The following CNKSR2 variants were observed in gnomAD, a reference collection of about 807,000 sequenced individuals.
CNKSR2 encodes connector enhancer of kinase suppressor of Ras 2.
In CNKSR2, 14 loss-of-function variants were observed where a neutral mutation model predicts 84.4. The ratio of observed to expected loss-of-function variants is 0.17; its 90% CI spans 0.11 to 0.26. CNKSR2 has a LOEUF of 0.26. CNKSR2 is among the 10% of genes least tolerant of loss of function. The pLI is 1.00. For missense variants in CNKSR2, 485 were observed against 771.2 expected (o/e 0.63, Z 4.40); for synonymous variants, 275 against 277.9 (o/e 0.99, Z 0.10).
intron 13 of CNKSR2, among the ~76,000 whole-genome samples, chrX:21,587,125 A>T (rs1381603948): frequency 1.8e-5 from 2 of 112,077 alleles, no homozygotes; most frequent in African/African-American, 6.5e-5. Context: ...GAAACTAAAG[A>T]CAGATTAAAA....
At chrX:21,497,093 A>G (rs901157470) in intron 6 of CNKSR2, among the ~76,000 whole-genome samples, 1 of 111,575 alleles carries the variant, frequency 9.0e-6, no homozygotes, top group African/African-American at 3.2e-5. Flanking sequence ...GGATTTCTGT[A>G]TAATTTTTAA....
At chrX:21,492,431 G>A (rs2091451431) in intron 6 of CNKSR2, 1 of 111,044 alleles carries the variant, frequency 9.0e-6, no homozygotes, top group African/African-American at 3.3e-5. Context: ...TTCTCATTTT[G>A]CAAATGAGAA....
chrX:21,628,740 C>G (rs1393773098), intron 20 of CNKSR2, among the ~76,000 whole-genome samples: 1 of 111,271 alleles, frequency 9.0e-6, no homozygotes, highest in Non-Finnish European at 1.9e-5. Flanking sequence ...GCCCAGCCCA[C>G]GAAACCACTT....
intron 8 of CNKSR2, chrX:21,504,556 C>T (rs1468950970): frequency 1.4e-5 from 3 of 218,618 alleles, no homozygotes; most frequent in Non-Finnish European, 2.4e-5. Flanking sequence ...TTTTTCTTTA[C>T]TTAAGATAAA....
chrX:21,616,316 A>G (rs949843753), intron 20 of CNKSR2, among the ~76,000 whole-genome samples: 1 of 112,101 alleles, frequency 8.9e-6, no homozygotes, highest in East Asian at 2.8e-4. Context: ...CTAAAACAGT[A>G]TATGGCCCAT....
chrX:21,402,441 A>T (rs2146989965), intron 1 of CNKSR2, among the ~76,000 whole-genome samples: 1 of 111,547 alleles, frequency 9.0e-6, no homozygotes, highest in African/African-American at 3.2e-5. Flanking sequence ...GTATGTTTGT[A>T]TGATTTTTTC....
At chrX:21,419,780 C>G (rs898299003) in intron 1 of CNKSR2, among the ~76,000 whole-genome samples, 2 of 112,526 alleles carry the variant, frequency 1.8e-5, no homozygotes, top group Non-Finnish European at 3.8e-5. Flanking sequence ...CCACCTGAAG[C>G]TGTGGGTGGA....
intron 7 of CNKSR2, 142 bp from the exon 8 acceptor site, chrX:21,501,378 G>A (rs1478643613): frequency 3.0e-5 from 10 of 334,363 alleles, no homozygotes; most frequent in Non-Finnish European, 4.8e-5. Flanking sequence ...ACTAATAACC[G>A]TGTTTATTGC....
At chrX:21,549,371 C>T (rs1390553493) in intron 11 of CNKSR2, among the ~76,000 whole-genome samples, 4 of 111,601 alleles carry the variant, frequency 3.6e-5, no homozygotes, top group Admixed American at 1.9e-4. Context: ...TGTGAAGGAC[C>T]TCTTCAAGGA....
intron 1 of CNKSR2, among the ~76,000 whole-genome samples, chrX:21,421,499 C>CT (rs2090495991): frequency 9.2e-6 from 1 of 109,281 alleles, no homozygotes; most frequent in Non-Finnish European, 1.9e-5. Flanking sequence ...CCAACATTTT[C>CT]TTTATCTACT....
chrX:21,467,709 G>A (rs944228279), intron 4 of CNKSR2, among the ~76,000 whole-genome samples: 1 of 109,430 alleles, frequency 9.1e-6, no homozygotes, highest in Non-Finnish European at 1.9e-5. Flanking sequence ...ATATTTATAT[G>A]TGGCATTTTT....
chrX:21,408,568 A>G (rs2090295729), intron 1 of CNKSR2, among the ~76,000 whole-genome samples: 1 of 110,903 alleles, frequency 9.0e-6, no homozygotes, highest in African/African-American at 3.3e-5. Context: ...CATGTGTTGG[A>G]TCTTTGCCCT....
intron 1 of CNKSR2, among the ~76,000 whole-genome samples, chrX:21,402,109 A>G (rs759284736): frequency 3.6e-5 from 4 of 110,768 alleles, no homozygotes; most frequent in East Asian, 2.8e-4. Context: ...ACCTGAGTTC[A>G]AAGAAGTGCT....
chrX:21,528,537 A>C (rs756433577), intron 10 of CNKSR2, among the ~76,000 whole-genome samples: 25 of 111,292 alleles, frequency 2.2e-4, no homozygotes, highest in Non-Finnish European at 4.7e-4. Context: ...ACAAAAGAGT[A>C]AAATGATCCA....
intron 11 of CNKSR2, among the ~76,000 whole-genome samples, chrX:21,543,859 G>A (rs952463749): frequency 9.2e-6 from 1 of 108,809 alleles, no homozygotes; most frequent in Non-Finnish European, 1.9e-5. Context: ...GTCTTGCCCT[G>A]TTACCCAGTC....
At chrX:21,462,635 C>T (rs1161099045) in intron 4 of CNKSR2, among the ~76,000 whole-genome samples, 2 of 110,604 alleles carry the variant, frequency 1.8e-5, no homozygotes, top group African/African-American at 6.6e-5. Context: ...GCTTTCAGTT[C>T]TTCCCGATTA....
chrX:21,374,976 G>C lies in CNKSR2; in HGVS notation c.64+15G>C. On this transcript the variant is annotated intron_variant, in intron 1 of 21. Transcript: ENST00000379510. ...CTGGATGAAAGGTAATGCCCGCTGCGGGGAGGGTGAGGCGGCACTGGGGCG... is the reference window on the plus strand; with the variant it reads ...CTGGATGAAAGGTAATGCCCGCTGCCGGGAGGGTGAGGCGGCACTGGGGCG... 8.4e-7 allele frequency: 1 copy of C among 1,192,590 alleles called. No homozygotes were observed. The highest frequency in any genetic ancestry group is 1.1e-6 in the Non-Finnish European group (1 of 877,609).
chrX:21,396,489 G>T (rs1469290861), intron 1 of CNKSR2, among the ~76,000 whole-genome samples: 1 of 110,457 alleles, frequency 9.1e-6, no homozygotes, highest in Non-Finnish European at 1.9e-5. Context: ...TGAAATTTAT[G>T]CCTATTTTTA....
At chrX:21,500,133 CTCTAT>C (rs1163706748) in intron 7 of CNKSR2, among the ~76,000 whole-genome samples, 1 of 110,688 alleles carries the variant, frequency 9.0e-6, no homozygotes, top group African/African-American at 3.3e-5. Context: ...ATTGTTATGA[CTCTAT>C]TCTTAGAGTT....
Sources: gnomAD v4.1 joint callset for allele counts (sites outside exome capture counted in the v4.1 genomes callset) on GRCh38, gnomAD v4.1.1 for gene constraint, MANE v1.5 for transcripts, NCBI Gene and HGNC (gene_info 2026-07-23, HGNC 2026-07-21) for gene names.